Variants in FZD3 observed in about 807,000 individuals in gnomAD.
FZD3 encodes frizzled class receptor 3.
In FZD3, 30 loss-of-function variants were observed where a neutral mutation model predicts 60.7. The observed-to-expected ratio is 0.49, with a 90% CI of 0.37 to 0.67. The LOEUF (loss-of-function observed/expected upper bound fraction) is 0.67. Among genes scored for constraint, FZD3 ranks in the 30% least tolerant of loss-of-function variants. The pLI is 0.00. For missense variants in FZD3, 605 were observed against 838.7 expected (o/e 0.72, Z 3.44); for synonymous variants, 246 against 275.2 (o/e 0.89, Z 1.05).
intron 5 of FZD3, among the ~76,000 whole-genome samples, chr8:28,542,091 CTT>C (rs61301257): frequency 0.03 from 4,064 of 133,486 alleles, 226 homozygotes; most frequent in African/African-American, 0.1. Context: ...GAATGAAATC[CTT>C]TTTTTTTTTT....
intron 3 of FZD3, among the ~76,000 whole-genome samples, chr8:28,512,660 T>C (rs114278430): frequency 0.023 from 3,436 of 152,226 alleles, 120 homozygotes; most frequent in African/African-American, 0.079. Flanking sequence ...AGATTTAGTA[T>C]TTATTAAATA....
chr8:28,506,979 C>T (rs2130293318), intron 3 of FZD3, among the ~76,000 whole-genome samples: 2 of 152,260 alleles, frequency 1.3e-5, no homozygotes, highest in Admixed American at 1.3e-4. Flanking sequence ...CACTGCATGC[C>T]CTTCTGGGTC....
chr8:28,499,257 G>C (rs1384282928), intron 1 of FZD3, among the ~76,000 whole-genome samples: 1 of 152,088 alleles, frequency 6.6e-6, no homozygotes, highest in African/African-American at 2.4e-5. Flanking sequence ...CAAAATGAGA[G>C]ATATATACAT....
intron 3 of FZD3, among the ~76,000 whole-genome samples, chr8:28,503,962 T>C (rs1585943667): frequency 2.6e-5 from 4 of 152,244 alleles, no homozygotes; most frequent in African/African-American, 9.6e-5. Context: ...GTAAGTACTC[T>C]ATAAGTGATA....
At chr8:28,536,576 G>T (rs1805019673) in intron 5 of FZD3, among the ~76,000 whole-genome samples, 1 of 152,060 alleles carries the variant, frequency 6.6e-6, no homozygotes, top group East Asian at 1.9e-4. Flanking sequence ...GGCTGTGGTG[G>T]CACACGCCTA....
chr8:28,551,889 T>G, intron 6 of FZD3, 138 bp downstream of exon 6: 1 of 704,122 alleles, frequency 1.4e-6, no homozygotes, highest in South Asian at 2.0e-5. Context: ...CCAGTTATGA[T>G]TGGCACAGTA....
chr8:28,536,010 A>G (rs975984399), intron 5 of FZD3, among the ~76,000 whole-genome samples: 1 of 152,210 alleles, frequency 6.6e-6, no homozygotes, highest in African/African-American at 2.4e-5. Context: ...GCAGAAAATA[A>G]TATGTTAAAT....
At chr8:28,504,160 G>A (rs958253265) in intron 3 of FZD3, among the ~76,000 whole-genome samples, 2 of 152,152 alleles carry the variant, frequency 1.3e-5, no homozygotes, top group African/African-American at 4.8e-5. Flanking sequence ...ACTAACCTAA[G>A]TCTAAGAAAA....
chr8:28,543,789 A>G (rs530009237), intron 5 of FZD3, among the ~76,000 whole-genome samples: 1 of 152,230 alleles, frequency 6.6e-6, no homozygotes, highest in East Asian at 1.9e-4. Context: ...TTTTTTAATC[A>G]TGGAAAAGGA....
In FZD3 at chr8:28,567,453, ATT is replaced by A. The variant is rs530668411; in HGVS notation, c.*4448_*4449del. ...AGTCACTGCACCTGGCTTAATTTTAATTTTTTTAATTTTTTGTAGAGATGAGT... is the reference window on the plus strand; with the variant it reads ...AGTCACTGCACCTGGCTTAATTTTAATTTTTAATTTTTTGTAGAGATGAGT... On this transcript the variant is annotated 3_prime_UTR_variant, in exon 8 of 8. Coordinates refer to ENST00000240093, the MANE Select transcript of FZD3 (RefSeq NM_017412.4). The A allele has an allele frequency of 6.6e-6, 1 of 151,996 alleles. No individual in the cohort carries two copies. Among genetic ancestry groups the A allele is most frequent in the Admixed American group, 6.6e-5 (1 of 15,244 alleles). The allele number at this position is 151,996 out of a possible 1,614,324, so 9.4% of individuals were successfully genotyped here.
intron 5 of FZD3, among the ~76,000 whole-genome samples, chr8:28,537,514 GCTTTGCTGCTATGGTACAACTACTC>G (rs1327079331): frequency 1.7e-4 from 6 of 34,720 alleles, no homozygotes; most frequent in Non-Finnish European, 3.8e-4. Context: ...CAGCTACTCA[GCTTTGCTGCTATGGTACAACTACTC>G]AGCTTTGCTG....
chr8:28,502,997 C>T lies in FZD3; in HGVS notation c.-17C>T. On this transcript the variant is annotated 5_prime_UTR_variant, in exon 3 of 8. Coordinates refer to ENST00000240093, the MANE Select transcript of FZD3 (RefSeq NM_017412.4). Reference sequence around the variant, plus strand: ...GAATAGGCCTGATCATCTGAATCTCCTTCAGACCCAGGAAGGATGGCTATG... The same window carrying T: ...GAATAGGCCTGATCATCTGAATCTCTTTCAGACCCAGGAAGGATGGCTATG... 6.3e-7 allele frequency: 1 copy of T among 1,595,452 alleles called. No individual in the cohort carries two copies. Among genetic ancestry groups the T allele is most frequent in the Non-Finnish European group, 8.6e-7 (1 of 1,164,664 alleles).
intron 2 of FZD3, 42 bp from the exon 3 acceptor site, chr8:28,502,628 A>C (rs1804026404): frequency 1.3e-5 from 2 of 156,496 alleles, no homozygotes. Flanking sequence ...CTTTGAGAGG[A>C]AATGACTAAT....
chr8:28,539,374 A>T (rs1246962128), intron 5 of FZD3, among the ~76,000 whole-genome samples: 1 of 152,160 alleles, frequency 6.6e-6, no homozygotes, highest in Non-Finnish European at 1.5e-5. Context: ...TCAAGTTCCC[A>T]TATGTGAAAT....
At chr8:28,505,785 A>G (rs1253952428) in intron 3 of FZD3, among the ~76,000 whole-genome samples, 73 of 152,214 alleles carry the variant, frequency 4.8e-4, no homozygotes, top group Non-Finnish European at 4.4e-5. Flanking sequence ...TTCACAATCA[A>G]CAAGTTGGAT....
In FZD3 at chr8:28,543,503, C is replaced by A. The variant is rs147491899; in HGVS notation, c.1405-8100C>A. ...TCAAACAGTTCTCTTGCCTCAGCTT[C>A]CCGAGCAGCTGGGATTGCAGGCACC... On this transcript the variant is annotated intron_variant, in intron 5 of 7. Coordinates refer to ENST00000240093, the MANE Select transcript of FZD3 (RefSeq NM_017412.4). Among the ~76,000 whole-genome samples the A allele has an allele frequency of 4.2e-3, 640 of 152,188 alleles. 3 individuals carry two copies. Among genetic ancestry groups the A allele is most frequent in the African/African-American group, 0.014 (595 of 41,536 alleles).
intron 5 of FZD3, 30 bp from the exon 6 acceptor site, chr8:28,551,573 T>G (rs777812900): frequency 6.6e-7 from 1 of 1,512,200 alleles, no homozygotes; most frequent in African/African-American, 1.4e-5. Flanking sequence ...TTTTTATATA[T>G]TTAAGATGCT....
intron 3 of FZD3, among the ~76,000 whole-genome samples, chr8:28,512,711 A>G (rs1804321045): frequency 6.6e-6 from 1 of 152,156 alleles, no homozygotes; most frequent in Non-Finnish European, 1.5e-5. Flanking sequence ...AGAACTTGGT[A>G]AATACCGCAA....
chr8:28,539,441 A>G (rs1036928616), intron 5 of FZD3, among the ~76,000 whole-genome samples: 1 of 152,168 alleles, frequency 6.6e-6, no homozygotes, highest in African/African-American at 2.4e-5. Context: ...ACATTGTCTT[A>G]ATTACTATAA....
Sources: allele counts gnomAD v4.1 joint callset (sites outside exome capture counted in the v4.1 genomes callset), GRCh38; gene constraint gnomAD v4.1.1; transcripts MANE v1.5; gene names NCBI Gene and HGNC (gene_info 2026-07-23, HGNC 2026-07-21).